CEP83: variants seen among roughly 807,000 people sequenced by gnomAD.
CEP83 encodes centrosomal protein 83, also known as centrosomal protein of 83 kDa.
A neutral mutation model predicts 101.9 loss-of-function variants in CEP83; 70 were observed. That is an observed-to-expected ratio of 0.69 (90% CI 0.57 to 0.84). CEP83 has a LOEUF of 0.84. Among genes scored for constraint, CEP83 ranks in the 40% least tolerant of loss-of-function variants. The pLI, the probability that CEP83 is intolerant of heterozygous loss-of-function variation, is 0.00. For missense variants in CEP83, 715 were observed against 787.2 expected (o/e 0.91, Z 1.10); for synonymous variants, 264 against 267.9 (o/e 0.99, Z 0.14).
chr12:94,393,865 C>T lies in CEP83; in HGVS notation c.549+6985G>A, dbSNP rs867215809. Among the ~76,000 whole-genome samples, 15 of 152,274 alleles carry T rather than the reference C, an allele frequency of 9.9e-5. No homozygotes were observed. In the South Asian group the frequency reaches 1.7e-3, roughly 17 times the overall value. ...AGAGAGCCAAATCATGAGTGAACTC[C>T]CATTCACAATTGCTACAAAGAGAAT... On this transcript the variant is annotated intron_variant, in intron 6 of 16. Transcript: ENST00000397809.
intron 3 of CEP83, 72 bp downstream of exon 3, chr12:94,412,246 G>T (rs1028805396): frequency 2.4e-6 from 3 of 1,234,554 alleles, no homozygotes; most frequent in Middle Eastern, 4.0e-4. Context: ...ATATTCTATA[G>T]CAAACATTCA....
chr12:94,393,312 T>A (rs1359689554), intron 6 of CEP83, among the ~76,000 whole-genome samples: 1 of 152,226 alleles, frequency 6.6e-6, no homozygotes, highest in Non-Finnish European at 1.5e-5. Context: ...GATGCAAGGC[T>A]GGTTCAACAT....
intron 6 of CEP83, among the ~76,000 whole-genome samples, chr12:94,399,504 G>C (rs193096575): frequency 6.6e-6 from 1 of 152,102 alleles, no homozygotes; most frequent in Non-Finnish European, 1.5e-5. Flanking sequence ...GAGGCCAGTA[G>C]TCCGAGATCA....
chr12:94,373,679 A>T (rs141388118), intron 8 of CEP83, among the ~76,000 whole-genome samples: 1 of 152,206 alleles, frequency 6.6e-6, no homozygotes, highest in Non-Finnish European at 1.5e-5. Flanking sequence ...TAAGGTCATC[A>T]TTTTCAGGCC....
chr12:94,270,661 C>T, the CEP83 span, among the ~76,000 whole-genome samples: 1 of 151,824 alleles, frequency 6.6e-6, no homozygotes, highest in African/African-American at 2.4e-5. Flanking sequence ...AATCAGACAG[C>T]TCTTCATACT....
chr12:94,294,134 C>T, the CEP83 span, among the ~76,000 whole-genome samples: 66,765 of 151,980 alleles, frequency 0.44, 14,648 homozygotes, highest in East Asian at 0.54. Flanking sequence ...CTGACCTCTG[C>T]GAATTGGGGG....
chr12:94,308,367 GCTGA>G lies in CEP83; in HGVS notation c.*442_*445del, dbSNP rs1288741512. The stretch of plus-strand genomic sequence containing the variant: ...ATATAGATACCTTTACATTCTTTAG[GCTGA>G]CTTTTAAATTGTCATCTTTTTTCAA... On this transcript the variant is annotated 3_prime_UTR_variant, in exon 17 of 17. Coordinates refer to ENST00000397809, the MANE Select transcript of CEP83 (RefSeq NM_016122.3). The G allele has an allele frequency of 6.6e-6, 1 of 152,342 alleles. No individual in the cohort carries two copies. Among genetic ancestry groups the G allele is most frequent in the East Asian group, 1.9e-4 (1 of 5,202 alleles). The allele number at this position is 152,342 out of a possible 1,614,324, so 9.4% of individuals were successfully genotyped here.
At chr12:94,268,315 T>A in the CEP83 span, among the ~76,000 whole-genome samples, 1 of 152,192 alleles carries the variant, frequency 6.6e-6, no homozygotes, top group Non-Finnish European at 1.5e-5. Context: ...GAAGTAATGT[T>A]CTCTTCTTGC....
At chr12:94,392,592 G>C (rs2062619077) in intron 6 of CEP83, among the ~76,000 whole-genome samples, 1 of 152,050 alleles carries the variant, frequency 6.6e-6, no homozygotes, top group Non-Finnish European at 1.5e-5. Flanking sequence ...AGAGAAGCAA[G>C]AGCAAACACA....
intron 1 of CEP83, among the ~76,000 whole-genome samples, chr12:94,458,634 AG>A (rs1385171900): frequency 6.6e-6 from 1 of 152,154 alleles, no homozygotes; most frequent in East Asian, 1.9e-4. Context: ...GCTACTCGGG[AG>A]GCTGAGGCAG....
chr12:94,342,755 GA>G (rs1305604456), intron 11 of CEP83, among the ~76,000 whole-genome samples: 1 of 151,560 alleles, frequency 6.6e-6, no homozygotes, highest in African/African-American at 2.4e-5. Context: ...TATGAAAACA[GA>G]AGTGGTGATG....
At chr12:94,275,774 G>T in the CEP83 span, among the ~76,000 whole-genome samples, 58,439 of 118,418 alleles carry the variant, frequency 0.49, 18,889 homozygotes, top group East Asian at 0.64. Context: ...AGAATGGCGT[G>T]AACCCGGGAG....
chr12:94,334,759 A>C (rs2059383082), intron 12 of CEP83, among the ~76,000 whole-genome samples: 1 of 152,156 alleles, frequency 6.6e-6, no homozygotes, highest in Admixed American at 6.5e-5. Context: ...TCTATTTTAG[A>C]ATAAATTTAT....
At chr12:94,309,453 T>A (rs1267486276) in intron 16 of CEP83, among the ~76,000 whole-genome samples, 1 of 152,192 alleles carries the variant, frequency 6.6e-6, no homozygotes, top group East Asian at 1.9e-4. Flanking sequence ...TTATTAGCTA[T>A]GACCTTATGC....
At chr12:94,327,085 A>C (rs988774042) in intron 14 of CEP83, among the ~76,000 whole-genome samples, 1 of 152,234 alleles carries the variant, frequency 6.6e-6, no homozygotes, top group Non-Finnish European at 1.5e-5. Context: ...AAAGAAATGC[A>C]AAGTCCAGAG....
intron 11 of CEP83, among the ~76,000 whole-genome samples, chr12:94,353,759 G>A (rs1593350303): frequency 6.8e-6 from 1 of 146,934 alleles, no homozygotes. Context: ...TCCATGCAAA[G>A]AGAAACCAAA....
intron 6 of CEP83, among the ~76,000 whole-genome samples, chr12:94,384,009 G>A (rs1197944040): frequency 1.3e-5 from 2 of 152,026 alleles, no homozygotes; most frequent in African/African-American, 4.8e-5. Flanking sequence ...TGAAGCAAAA[G>A]GAAGTCTATT....
chr12:94,388,661 A>G (rs555307646), intron 6 of CEP83, among the ~76,000 whole-genome samples: 1 of 152,358 alleles, frequency 6.6e-6, no homozygotes, highest in African/African-American at 2.4e-5. Flanking sequence ...GTGAAAAGAG[A>G]AAATAATTTG....
At chr12:94,291,913 C>T in the CEP83 span, among the ~76,000 whole-genome samples, 7 of 152,166 alleles carry the variant, frequency 4.6e-5, no homozygotes, top group Admixed American at 2.6e-4. Flanking sequence ...CAGACCCATC[C>T]CCGCTTTTGG....
Sources: gnomAD v4.1 joint callset for allele counts (sites outside exome capture counted in the v4.1 genomes callset) on GRCh38, gnomAD v4.1.1 for gene constraint, MANE v1.5 for transcripts, NCBI Gene and HGNC (gene_info 2026-07-23, HGNC 2026-07-21) for gene names.